MYO5B: variants seen among roughly 807,000 people sequenced by gnomAD.
MYO5B encodes unconventional myosin-Vb.
Under a neutral mutation model 229.3 loss-of-function variants are expected in MYO5B, and 143 were observed. The observed-to-expected ratio is 0.62, with a 90% CI of 0.54 to 0.72. The LOEUF (loss-of-function observed/expected upper bound fraction) is 0.72, where lower values mean the gene tolerates loss of function less well. MYO5B is among the 30% of genes least tolerant of loss of function. MYO5B has a pLI of 0.00. For synonymous variants in MYO5B, 918 were observed against 885.2 expected (o/e 1.04, Z -0.66); for missense variants, 2,321 against 2,331.0 (o/e 1.00, Z 0.09).
At chr18:49,976,515 A>G (rs981229262) in intron 9 of MYO5B, among the ~76,000 whole-genome samples, 6 of 152,222 alleles carry the variant, frequency 3.9e-5, no homozygotes, top group Non-Finnish European at 7.3e-5. Context: ...TTAATACACC[A>G]TGTAGCACCA....
chr18:50,108,511 C>T (rs1232991163), intron 1 of MYO5B, among the ~76,000 whole-genome samples: 2 of 152,148 alleles, frequency 1.3e-5, no homozygotes, highest in Admixed American at 6.5e-5. Flanking sequence ...TGAGTCCACA[C>T]AATTTCAACA....
At chr18:50,149,990 AAAAC>A (rs1163591423) in intron 1 of MYO5B, among the ~76,000 whole-genome samples, 2 of 148,068 alleles carry the variant, frequency 1.4e-5, no homozygotes, top group East Asian at 2.0e-4. Flanking sequence ...TTACAAGAAA[AAAAC>A]AAACAACCCC....
At chr18:49,925,060 G>T (rs1345957748) in intron 17 of MYO5B, among the ~76,000 whole-genome samples, 1 of 152,170 alleles carries the variant, frequency 6.6e-6, no homozygotes, top group African/African-American at 2.4e-5. Flanking sequence ...ACTAGTTCAG[G>T]CCATGCTGGG....
chr18:50,184,889 C>G (rs201249629), intron 1 of MYO5B, among the ~76,000 whole-genome samples: 23 of 71,004 alleles, frequency 3.2e-4, no homozygotes, highest in African/African-American at 1.2e-3. Flanking sequence ...CACACACACA[C>G]ACACAGAAAA....
intron 4 of MYO5B, among the ~76,000 whole-genome samples, chr18:50,012,673 A>C (rs888672564): frequency 2.0e-5 from 3 of 152,246 alleles, no homozygotes; most frequent in Non-Finnish European, 4.4e-5. Flanking sequence ...ACCAGAAAGA[A>C]AGTGCTTCCC....
chr18:50,070,567 C>A (rs1477649479), intron 1 of MYO5B, among the ~76,000 whole-genome samples: 1 of 151,944 alleles, frequency 6.6e-6, no homozygotes. Context: ...CGCAGGATAG[C>A]CCTTGACAAC....
intron 27 of MYO5B, among the ~76,000 whole-genome samples, chr18:49,865,743 C>T (rs954516880): frequency 6.6e-6 from 1 of 152,220 alleles, no homozygotes; most frequent in African/African-American, 2.4e-5. Context: ...TGTGCCTGTG[C>T]TGACAGCCAC....
intron 5 of MYO5B, among the ~76,000 whole-genome samples, chr18:49,996,819 G>C (rs908750164): frequency 2.0e-5 from 3 of 152,210 alleles, no homozygotes; most frequent in Non-Finnish European, 4.4e-5. Flanking sequence ...TATAAATATA[G>C]TGTGGACAAA....
chr18:49,896,279 G>A (rs964191320), intron 21 of MYO5B, among the ~76,000 whole-genome samples: 6 of 152,090 alleles, frequency 3.9e-5, no homozygotes, highest in African/African-American at 7.2e-5. Context: ...CATGCTACCC[G>A]CTCCCCAGCA....
Position 50,008,211 on chromosome 18 carries a change from C to T in MYO5B, c.456-6800G>A, listed in dbSNP as rs141381570. 9.3e-3 allele frequency among the ~76,000 whole-genome samples: 1,411 copies of T among 152,240 alleles called. 24 individuals carry two copies. The highest frequency in any genetic ancestry group is 0.032 in the African/African-American group (1,340 of 41,512). On this transcript the variant is annotated intron_variant, in intron 4 of 39. Coordinates refer to ENST00000285039, the MANE Select transcript of MYO5B (RefSeq NM_001080467.3). ...TTGACATCACTTCTCTAGAAGGCCC[C>T]CACCACCCACCTTTAACCATCCTAC...
chr18:49,967,600 A>G (rs8089039), intron 10 of MYO5B, among the ~76,000 whole-genome samples: 132,977 of 152,204 alleles, frequency 0.87, 58,343 homozygotes, highest in South Asian at 0.95. Flanking sequence ...AAAATATAAC[A>G]TGGAGAAATT....
At chr18:50,032,529 C>T (rs1379250289) in intron 4 of MYO5B, among the ~76,000 whole-genome samples, 2 of 152,214 alleles carry the variant, frequency 1.3e-5, no homozygotes, top group South Asian at 2.1e-4. Flanking sequence ...AATGTGGTAG[C>T]ATGTATCAGT....
intron 2 of MYO5B, among the ~76,000 whole-genome samples, chr18:50,048,126 C>T (rs1177930312): frequency 6.6e-6 from 1 of 150,744 alleles, no homozygotes; most frequent in East Asian, 1.9e-4. Flanking sequence ...AAAAAAAACA[C>T]AAACATTTAA....
intron 10 of MYO5B, among the ~76,000 whole-genome samples, chr18:49,965,782 A>T (rs150016234): frequency 6.6e-6 from 1 of 152,308 alleles, no homozygotes; most frequent in Non-Finnish European, 1.5e-5. Context: ...GTTTCATGAA[A>T]AAGGAAAAAC....
intron 1 of MYO5B, among the ~76,000 whole-genome samples, chr18:50,139,818 T>C (rs2032390503): frequency 6.6e-6 from 1 of 152,198 alleles, no homozygotes; most frequent in South Asian, 2.1e-4. Context: ...TCCCATTCTC[T>C]TCACAGCTCC....
chr18:50,158,994 C>T (rs920194758), intron 1 of MYO5B, among the ~76,000 whole-genome samples: 1 of 152,192 alleles, frequency 6.6e-6, no homozygotes, highest in Non-Finnish European at 1.5e-5. Flanking sequence ...GAGCAGGCTG[C>T]ACAAAGCCCT....
At chr18:50,019,164 G>A (rs1291264574) in intron 4 of MYO5B, among the ~76,000 whole-genome samples, 2 of 152,176 alleles carry the variant, frequency 1.3e-5, no homozygotes, top group African/African-American at 2.4e-5. Flanking sequence ...GTTCATAAAC[G>A]TGCTTTAAAG....
chr18:49,893,955 G>A (rs903309553), intron 22 of MYO5B, among the ~76,000 whole-genome samples: 5 of 152,322 alleles, frequency 3.3e-5, no homozygotes, highest in African/African-American at 1.2e-4. Flanking sequence ...TGGCAGCCAG[G>A]TGCAAGTCTA....
chr18:50,098,045 T>G (rs956329955), intron 1 of MYO5B, among the ~76,000 whole-genome samples: 3 of 152,190 alleles, frequency 2.0e-5, no homozygotes, highest in African/African-American at 7.2e-5. Context: ...TCTCACACCC[T>G]GAACCACATT....
Sources: allele counts gnomAD v4.1 joint callset (sites outside exome capture counted in the v4.1 genomes callset), GRCh38; gene constraint gnomAD v4.1.1; transcripts MANE v1.5; gene names NCBI Gene and HGNC (gene_info 2026-07-23, HGNC 2026-07-21).